GXYLT2: variants seen among roughly 807,000 people sequenced by gnomAD.
GXYLT2 encodes the protein glucoside xylosyltransferase 2.
Under a neutral mutation model 45.8 loss-of-function variants are expected in GXYLT2, and 53 were observed. That is an observed-to-expected ratio of 1.16 (90% CI 0.93 to 1.46). The LOEUF (loss-of-function observed/expected upper bound fraction) is 1.46. Ranked by LOEUF, GXYLT2 falls within the 40% of genes most tolerant of loss-of-function variation. The pLI, the probability that GXYLT2 is intolerant of heterozygous loss-of-function variation, is 0.00. For missense variants in GXYLT2, 551 were observed against 544.4 expected (o/e 1.01, Z -0.12); for synonymous variants, 219 against 214.2 (o/e 1.02, Z -0.19).
intron 2 of GXYLT2, among the ~76,000 whole-genome samples, chr3:72,910,338 G>T (rs1340232598): frequency 6.6e-6 from 1 of 152,002 alleles, no homozygotes; most frequent in African/African-American, 2.4e-5. Flanking sequence ...GGAATTAATC[G>T]ATATGCCATA....
At chr3:72,931,662 A>G (rs1710039947) in intron 3 of GXYLT2, among the ~76,000 whole-genome samples, 2 of 152,222 alleles carry the variant, frequency 1.3e-5, no homozygotes, top group African/African-American at 2.4e-5. Context: ...GGAAATTTAT[A>G]AACTTCAGCA....
Position 72,888,478 on chromosome 3 carries a change from G to C in GXYLT2, c.245G>C (p.Arg82Pro), listed in dbSNP as rs1709111923. Residue 82 changes from arginine to proline, a missense_variant, in exon 1 of 7, where the codon CGG becomes CCG. Coordinates refer to ENST00000389617, the MANE Select transcript of GXYLT2 (RefSeq NM_001080393.2). ...PPRPRPRAGR[R>P]GAARLEKLAR... ...CGTCCGCGCCCCCGAGCGGGCCGCC[G>C]GGGCGCTGCGAGACTGGAGAAGTTG... 9 of 1,250,176 alleles carry C rather than the reference G, an allele frequency of 7.2e-6. No homozygotes were observed. The highest frequency in any genetic ancestry group is 6.0e-6 in the Non-Finnish European group (6 of 992,618). 77.4% of individuals were successfully genotyped at this position (1,250,176 alleles called of 1,614,324 possible).
intron 3 of GXYLT2, among the ~76,000 whole-genome samples, chr3:72,923,088 C>G (rs1223920625): frequency 3.9e-5 from 6 of 152,132 alleles, no homozygotes; most frequent in African/African-American, 1.4e-4. Context: ...AACCCTGTCT[C>G]TACTAAAAAT....
chr3:72,897,236 A>G (rs972029423), intron 1 of GXYLT2, among the ~76,000 whole-genome samples: 1 of 152,210 alleles, frequency 6.6e-6, no homozygotes, highest in Non-Finnish European at 1.5e-5. Context: ...CTGGCTCATA[A>G]AACTGGAAAG....
intron 1 of GXYLT2, among the ~76,000 whole-genome samples, chr3:72,889,303 T>C (rs1709132842): frequency 6.6e-6 from 1 of 152,220 alleles, no homozygotes; most frequent in African/African-American, 2.4e-5. Context: ...CCTTGTCTTG[T>C]AGCGAGTCTG....
At chr3:72,914,022 G>A (rs1279056392) in intron 2 of GXYLT2, among the ~76,000 whole-genome samples, 5 of 152,164 alleles carry the variant, frequency 3.3e-5, no homozygotes, top group African/African-American at 9.7e-5. Flanking sequence ...ACTGGCACAT[G>A]CTGAAGGGGT....
chr3:72,975,236 T>A lies in GXYLT2; in HGVS notation c.*77T>A, dbSNP rs1711074155. 1 of 1,134,626 alleles carries A rather than the reference T, an allele frequency of 8.8e-7. No individual in the cohort carries two copies. Among genetic ancestry groups the A allele is most frequent in the African/African-American group, 1.6e-5 (1 of 63,906 alleles). 70.3% of individuals were successfully genotyped at this position (1,134,626 alleles called of 1,614,324 possible). A position where few individuals can be genotyped will look rare whatever the true frequency, so the allele number is the denominator to read the frequency against. On this transcript the variant is annotated 3_prime_UTR_variant, in exon 7 of 7. Coordinates refer to ENST00000389617, the MANE Select transcript of GXYLT2 (RefSeq NM_001080393.2). ...TAATCTCTAAGCTGCCTGGGTCTTT[T>A]TGTGTGAATATTTAATGGTGCTCCA... is the stretch of plus-strand genomic sequence containing the variant.
chr3:72,896,527 A>G (rs935199783), intron 1 of GXYLT2, among the ~76,000 whole-genome samples: 11 of 151,766 alleles, frequency 7.2e-5, no homozygotes, highest in Admixed American at 3.3e-4. Flanking sequence ...GGATACACCA[A>G]TCTCAGTCTC....
chr3:72,930,671 G>A (rs1710012301), intron 3 of GXYLT2, among the ~76,000 whole-genome samples: 1 of 134,212 alleles, frequency 7.5e-6, no homozygotes. Context: ...ATGGCTCACT[G>A]CAGCCTTGAC....
At chr3:72,927,827 TACTTATC>T (rs1709946967) in intron 3 of GXYLT2, among the ~76,000 whole-genome samples, 1 of 152,244 alleles carries the variant, frequency 6.6e-6, no homozygotes, top group Admixed American at 6.5e-5. Context: ...CTTTCCACAG[TACTTATC>T]ATTTACTCAT....
intron 2 of GXYLT2, among the ~76,000 whole-genome samples, chr3:72,918,599 CG>C (rs1299233262): frequency 2.0e-5 from 3 of 151,768 alleles, no homozygotes; most frequent in Non-Finnish European, 4.4e-5. Flanking sequence ...ATGAGGCGGG[CG>C]GATTGCCTGA....
At position 72,925,398 on chromosome 3, in the gene GXYLT2, C is replaced by T. The variant is rs187015642; in HGVS notation, c.600+3063C>T. On this transcript the variant is annotated intron_variant, in intron 3 of 6. Coordinates refer to ENST00000389617, the MANE Select transcript of GXYLT2 (RefSeq NM_001080393.2). ...CTTGAACTCCTGACTTCAGGTGATC[C>T]GCCCGCCTCGGCCTCCCAAAGTGCT... Among the ~76,000 whole-genome samples the T allele has an allele frequency of 4.6e-4, 70 of 152,150 alleles. 1 individual carries two copies. In the East Asian group the frequency reaches 0.011, roughly 23 times the overall value.
At chr3:72,970,182 C>G (rs775059498) in intron 6 of GXYLT2, among the ~76,000 whole-genome samples, 1 of 151,970 alleles carries the variant, frequency 6.6e-6, no homozygotes, top group South Asian at 2.1e-4. Context: ...AAAACCCCAT[C>G]TCTACTAAAA....
At chr3:72,963,749 C>T (rs1397133959) in intron 5 of GXYLT2, among the ~76,000 whole-genome samples, 1 of 150,836 alleles carries the variant, frequency 6.6e-6, no homozygotes, top group Non-Finnish European at 1.5e-5. Flanking sequence ...CTTGGCTCAC[C>T]GCAACCTCTG....
At chr3:72,963,930 G>C (rs4473507) in intron 5 of GXYLT2, among the ~76,000 whole-genome samples, 122,782 of 152,004 alleles carry the variant, frequency 0.81, 50,036 homozygotes, top group East Asian at 0.93. Flanking sequence ...CTGCCTTGGC[G>C]TCCCAAAGTG....
chr3:72,893,850 T>G (rs1027467844), intron 1 of GXYLT2, among the ~76,000 whole-genome samples: 1 of 143,856 alleles, frequency 7.0e-6, no homozygotes, highest in South Asian at 2.1e-4. Context: ...ATTATTTGGG[T>G]TTTTTTTTTT....
At chr3:72,974,293 A>C (rs543328096) in intron 6 of GXYLT2, among the ~76,000 whole-genome samples, 1 of 152,356 alleles carries the variant, frequency 6.6e-6, no homozygotes, top group Non-Finnish European at 1.5e-5. Context: ...TCAAAAGCCC[A>C]ATATTAAGAG....
chr3:72,897,873 A>G (rs932321715), intron 1 of GXYLT2, among the ~76,000 whole-genome samples: 8 of 151,894 alleles, frequency 5.3e-5, no homozygotes, highest in Admixed American at 5.3e-4. Context: ...AGCTTTCTAG[A>G]ACCTCTCTAG....
intron 3 of GXYLT2, among the ~76,000 whole-genome samples, chr3:72,950,076 A>C (rs1575808418): frequency 1.6e-5 from 1 of 64,394 alleles, no homozygotes; most frequent in Non-Finnish European, 3.2e-5. Flanking sequence ...TAATCCCAGC[A>C]CTTTGGGAGG....
Sources: allele counts gnomAD v4.1 joint callset (sites outside exome capture counted in the v4.1 genomes callset), GRCh38; gene constraint gnomAD v4.1.1; transcripts MANE v1.5; gene names NCBI Gene and HGNC (gene_info 2026-07-23, HGNC 2026-07-21).